NR6A1: variants seen among roughly 807,000 people sequenced by gnomAD.
NR6A1 encodes the protein retinoic acid receptor-related testis-associated receptor.
In NR6A1, 7 loss-of-function variants were observed where a neutral mutation model predicts 59.1. The ratio of observed to expected loss-of-function variants is 0.12; its 90% CI spans 0.07 to 0.22. NR6A1 has a LOEUF of 0.22. Ranked by LOEUF, NR6A1 falls within the 10% of genes least tolerant of loss-of-function variation. The pLI is 1.00. For synonymous variants in NR6A1, 243 were observed against 236.1 expected (o/e 1.03, Z -0.27); for missense variants, 468 against 611.6 (o/e 0.77, Z 2.48).
chr9:124,701,628 G>A (rs1291806838), intron 2 of NR6A1, among the ~76,000 whole-genome samples: 2 of 152,054 alleles, frequency 1.3e-5, no homozygotes, highest in African/African-American at 4.8e-5. Flanking sequence ...TCACATAAGT[G>A]GAATCATTAT....
chr9:124,674,299 C>T (rs1424603204), intron 2 of NR6A1, among the ~76,000 whole-genome samples: 5 of 152,308 alleles, frequency 3.3e-5, no homozygotes, highest in Non-Finnish European at 7.3e-5. Context: ...CCCTTACACT[C>T]TTTGGGAACT....
rs569856070 is a variant in NR6A1, at chr9:124,649,391, C to T, written c.142+83917G>A. Among the ~76,000 whole-genome samples the T allele has an allele frequency of 1.7e-4, 26 of 152,092 alleles. No individual in the cohort carries two copies. The South Asian group carries it at 5.0e-3, about 29-fold the overall frequency. On this transcript the variant is annotated intron_variant, in intron 2 of 9. Transcript: ENST00000487099. ...ACTCCAATAAATGGCACTGGGAAAG[C>T]GAGATGTCCATATGCAGAAGAAAGA...
intron 5 of NR6A1, among the ~76,000 whole-genome samples, 180 bp from the exon 6 acceptor site, chr9:124,538,499 C>T (rs1564169845): frequency 6.6e-6 from 1 of 152,124 alleles, no homozygotes; most frequent in East Asian, 1.9e-4. Flanking sequence ...ATCTGTAAGA[C>T]AAAGACTCTA....
intron 2 of NR6A1, among the ~76,000 whole-genome samples, chr9:124,695,820 T>C (rs1485706654): frequency 6.6e-6 from 1 of 152,198 alleles, no homozygotes; most frequent in East Asian, 1.9e-4. Flanking sequence ...GAAAAGAATG[T>C]CTGACACGTA....
intron 2 of NR6A1, among the ~76,000 whole-genome samples, chr9:124,650,448 C>A (rs1033075969): frequency 6.6e-6 from 1 of 151,854 alleles, no homozygotes; most frequent in Admixed American, 6.6e-5. Context: ...GGTAGAGGGA[C>A]AGTGGGGGAT....
chr9:124,557,186 T>C lies in NR6A1; in HGVS notation c.143-2616A>G, dbSNP rs1293774888. 5.9e-5 allele frequency among the ~76,000 whole-genome samples: 9 copies of C among 152,310 alleles called. No homozygotes were observed. The East Asian group carries it at 1.7e-3, about 29-fold the overall frequency. On this transcript the variant is annotated intron_variant, in intron 2 of 9. Coordinates refer to ENST00000487099, the MANE Select transcript of NR6A1 (RefSeq NM_033334.4). Reference sequence around the variant, plus strand: ...CTCTGTAGCCCAGGCTGGAGTGCAGTAGCGCGATCTTGGCTCACTGCAACC... The same window carrying C: ...CTCTGTAGCCCAGGCTGGAGTGCAGCAGCGCGATCTTGGCTCACTGCAACC...
At position 124,733,354 on chromosome 9, in the gene NR6A1, A is replaced by G; in HGVS notation, c.101-5T>C. 6.2e-7 allele frequency: 1 copy of G among 1,611,300 alleles called. No homozygotes were observed. The highest frequency in any genetic ancestry group is 8.5e-7 in the Non-Finnish European group (1 of 1,177,694). On this transcript the variant is annotated splice_polypyrimidine_tract_variant and splice_region_variant and intron_variant, in intron 1 of 9. Transcript: ENST00000487099. The stretch of plus-strand genomic sequence containing the variant: ...CCAATTCATCCTGACAGAAACCTAA[A>G]GAGAAAACAATAGGAAAAAAAATTA...
At chr9:124,722,012 T>C (rs912091448) in intron 2 of NR6A1, among the ~76,000 whole-genome samples, 2 of 152,208 alleles carry the variant, frequency 1.3e-5, no homozygotes, top group African/African-American at 4.8e-5. Flanking sequence ...AAAAAATGCA[T>C]GTGAAACATT....
rs571015228 is a variant in NR6A1 at position 124,660,732 on chromosome 9, A to G, written c.142+72576T>C. Among the ~76,000 whole-genome samples the G allele has an allele frequency of 2.6e-5, 4 of 152,010 alleles. No homozygotes were observed. In the South Asian group the frequency reaches 6.2e-4, roughly 24 times the overall value. ...CTTTTTTAACCACCTCCAATGTCAT[A>G]AAAGCTCTATTGTTGGAGTACATAA... On this transcript the variant is annotated intron_variant, in intron 2 of 9. Coordinates refer to ENST00000487099, the MANE Select transcript of NR6A1 (RefSeq NM_033334.4).
intron 2 of NR6A1, among the ~76,000 whole-genome samples, chr9:124,672,794 T>C (rs887800266): frequency 6.6e-6 from 1 of 152,106 alleles, no homozygotes; most frequent in African/African-American, 2.4e-5. Flanking sequence ...TAAAATTTCA[T>C]TTCTCTGATA....
chr9:124,622,705 A>G (rs1588716489), intron 2 of NR6A1, among the ~76,000 whole-genome samples: 1 of 152,168 alleles, frequency 6.6e-6, no homozygotes, highest in East Asian at 1.9e-4. Context: ...CACAAGCCAT[A>G]AAGAAACAGG....
chr9:124,725,412 A>T (rs934322765), intron 2 of NR6A1, among the ~76,000 whole-genome samples: 1 of 152,112 alleles, frequency 6.6e-6, no homozygotes, highest in Non-Finnish European at 1.5e-5. Context: ...GAAAAAAAAA[A>T]AGCCAAGCCA....
intron 2 of NR6A1, among the ~76,000 whole-genome samples, chr9:124,626,616 G>C (rs1836247664): frequency 6.6e-6 from 1 of 152,156 alleles, no homozygotes; most frequent in Admixed American, 6.5e-5. Context: ...CTGCTGCCTG[G>C]AACTTAAAAG....
chr9:124,520,057 T>C lies in NR6A1; in HGVS notation c.*2648A>G, dbSNP rs949948618. On this transcript the variant is annotated 3_prime_UTR_variant, in exon 10 of 10. Transcript: ENST00000487099. The stretch of plus-strand genomic sequence containing the variant: ...AAAAGGCTACCTGTTAACCAAACAT[T>C]ATGGGGAAGAAAGCAAAAAACAAAC... 3 of 151,840 alleles carry C rather than the reference T, an allele frequency of 2.0e-5. No homozygotes were observed. The highest frequency in any genetic ancestry group is 6.6e-5 in the Admixed American group (1 of 15,232). The allele number at this position is 151,840 out of a possible 1,614,324, so 9.4% of individuals were successfully genotyped here.
chr9:124,709,786 T>C (rs1443783211), intron 2 of NR6A1, among the ~76,000 whole-genome samples: 1 of 151,756 alleles, frequency 6.6e-6, no homozygotes, highest in Non-Finnish European at 1.5e-5. Context: ...ATACAAAAAA[T>C]TAGCTGGGAA....
chr9:124,644,271 C>CTTT (rs35401605), intron 2 of NR6A1, among the ~76,000 whole-genome samples: 3,398 of 96,680 alleles, frequency 0.035, 316 homozygotes, highest in African/African-American at 0.11. Flanking sequence ...ATTAAGTCTT[C>CTTT]TTTTTTTTTT....
chr9:124,631,717 GGTAAACAT>G (rs1389382426), intron 2 of NR6A1, among the ~76,000 whole-genome samples: 3 of 152,044 alleles, frequency 2.0e-5, no homozygotes, highest in Admixed American at 6.6e-5. Context: ...TTGTTACACA[GGTAAACAT>G]GTCTCATGGA....
At chr9:124,532,711 T>C (rs967315967) in intron 7 of NR6A1, among the ~76,000 whole-genome samples, 1 of 152,178 alleles carries the variant, frequency 6.6e-6, no homozygotes, top group African/African-American at 2.4e-5. Context: ...CAGCAACACA[T>C]GTTCTAAAGA....
chr9:124,636,877 A>C (rs993112713), intron 2 of NR6A1, among the ~76,000 whole-genome samples: 2 of 152,194 alleles, frequency 1.3e-5, no homozygotes, highest in African/African-American at 4.8e-5. Context: ...CCATATGTAC[A>C]ACTCAAATTG....
Sources: gnomAD v4.1 joint callset for allele counts (sites outside exome capture counted in the v4.1 genomes callset) on GRCh38, gnomAD v4.1.1 for gene constraint, MANE v1.5 for transcripts, NCBI Gene and HGNC (gene_info 2026-07-23, HGNC 2026-07-21) for gene names.